DENND3: variants seen among roughly 807,000 people sequenced by gnomAD.
DENND3 encodes the protein DENN domain containing 3.
DENND3 carries 88 observed loss-of-function variants against 135.1 expected under a neutral mutation model. The ratio of observed to expected loss-of-function variants is 0.65; its 90% CI spans 0.55 to 0.78. The LOEUF is 0.78. Ranked by LOEUF, DENND3 falls within the 30% of genes least tolerant of loss-of-function variation. DENND3 has a pLI of 0.00. For synonymous variants in DENND3, 693 were observed against 712.3 expected (o/e 0.97, Z 0.43); for missense variants, 1,392 against 1,688.4 (o/e 0.82, Z 3.08).
At position 141,168,011 on chromosome 8, in the gene DENND3, T is replaced by C. The variant is rs142393961; in HGVS notation, c.1761T>C (p.Asn587=). The C allele has an allele frequency of 1.4e-4, 223 of 1,607,874 alleles. No individual in the cohort carries two copies. The African/African-American group carries it at 2.6e-3, about 19-fold the overall frequency. The change falls in exon 13 of 23, where the codon AAT becomes AAC. Residue 587 remains asparagine (N), a synonymous_variant. Transcript: ENST00000519811. The surrounding 1 kb of genome is among the most constrained non-coding windows in gnomAD (Gnocchi z 6.2). ...TCCCCCTGAATGTTTTAGTTCTGAA[T>C]GTCACGCCGAAGTCCCCGTATACAT... ...AGCRGSSAVL[N]VTPKSPYTFK...
chr8:141,157,553 T>C (rs1819598171), intron 8 of DENND3: 8 of 985,788 alleles, frequency 8.1e-6, no homozygotes, highest in African/African-American at 1.7e-5. Context: ...TTGCTTCTGG[T>C]GAAGCCTGTG....
intron 17 of DENND3, among the ~76,000 whole-genome samples, 175 bp downstream of exon 17, chr8:141,181,029 C>T (rs914791045): frequency 6.6e-6 from 1 of 152,182 alleles, no homozygotes; most frequent in African/African-American, 2.4e-5. Flanking sequence ...GCAGCTGGCA[C>T]GACCGCTCCA....
chr8:141,138,092 G>A lies in DENND3; in HGVS notation c.456G>A (p.Gly152=). The change falls in exon 3 of 23, where the codon GGG becomes GGA. Residue 152 remains glycine (G), a synonymous_variant. Transcript: ENST00000519811. The surrounding 1 kb of genome is among the most constrained non-coding windows in gnomAD (Gnocchi z 4.8). ...VHFLVLTDVC[G]NRTYGVVAQY... is the part of the protein sequence containing the mutation. ...TCCTGGTGCTGACCGATGTCTGCGG[G>A]AATAGGACCTATGGCGTGGTGGCCC... The A allele has an allele frequency of 1.2e-6, 2 of 1,610,344 alleles. No individual in the cohort carries two copies. The highest frequency in any genetic ancestry group is 1.7e-6 in the Non-Finnish European group (2 of 1,178,170).
Position 141,139,910 on chromosome 8 carries a change from T to C in DENND3, c.502-1293T>C, listed in dbSNP as rs1474215077. Among the ~76,000 whole-genome samples the C allele has an allele frequency of 2.2e-5, 3 of 138,608 alleles. No individual in the cohort carries two copies. The highest frequency in any genetic ancestry group is 4.7e-5 in the Non-Finnish European group (3 of 63,828). 90.9% of individuals were successfully genotyped at this position (138,608 alleles called of 152,430 possible). On this transcript the variant is annotated intron_variant, in intron 3 of 22. Transcript: ENST00000519811. The surrounding 1 kb of genome is among the most constrained non-coding windows in gnomAD (Gnocchi z 4.2). ...GATGACGCTATATCTATCGTTTTTT[T>C]CTTTCTTTTTTTTTTTTGAGACAGT...
intron 18 of DENND3, among the ~76,000 whole-genome samples, chr8:141,187,912 C>T (rs190684848): frequency 3.3e-4 from 50 of 152,310 alleles, no homozygotes; most frequent in Non-Finnish European, 6.2e-4. Flanking sequence ...CAAGGCTGGG[C>T]GCAGTGGCTC....
chr8:141,186,387 C>T (rs1309419118), intron 18 of DENND3, among the ~76,000 whole-genome samples: 7 of 152,198 alleles, frequency 4.6e-5, no homozygotes, highest in Admixed American at 3.9e-4. Flanking sequence ...AGTGTCCACT[C>T]GTCACACATT....
In DENND3 at chr8:141,160,834, GC is replaced by G. The variant is rs1256749367; in HGVS notation, c.1352+49del. On this transcript the variant is annotated intron_variant, in intron 9 of 22. Coordinates refer to ENST00000519811, the MANE Select transcript of DENND3 (RefSeq NM_001352890.3). Reference sequence around the variant, plus strand: ...GTGTCCATGAGGAGGTAACCAGCCAGCCATCCATTCTATGGGGATCGTGCAC... The same window carrying G: ...GTGTCCATGAGGAGGTAACCAGCCAGCATCCATTCTATGGGGATCGTGCAC... 2.5e-6 allele frequency: 4 copies of G among 1,579,336 alleles called. No homozygotes were observed. The African/African-American group carries it at 5.4e-5, about 21-fold the overall frequency.
rs543822377 is a variant in DENND3 at position 141,174,463 on chromosome 8, C to T, written c.2276-737C>T. On this transcript the variant is annotated intron_variant, in intron 13 of 22. Coordinates refer to ENST00000519811, the MANE Select transcript of DENND3 (RefSeq NM_001352890.3). This position sits in a 1 kb window ranked among gnomAD's most constrained non-coding sequence, Gnocchi z 4.6. ...AGGGGCTTGAGTTGGCAGGACCTGC[C>T]GGCAGGGACTTGGGATTTCCGAGGG... Among the ~76,000 whole-genome samples, 7 of 152,172 alleles carry T rather than the reference C, an allele frequency of 4.6e-5. No homozygotes were observed. The highest frequency in any genetic ancestry group is 4.1e-4 in the South Asian group (2 of 4,820).
At chr8:141,143,034 T>C (rs557697319) in intron 4 of DENND3, 1 of 152,692 alleles carries the variant, frequency 6.5e-6, no homozygotes, top group East Asian at 1.9e-4. Context: ...GCTTCTTTCT[T>C]TCTCATTGCC....
Position 141,150,847 on chromosome 8 carries a change from A to G in DENND3, c.749A>G (p.Lys250Arg). The G allele has an allele frequency of 6.2e-7, 1 of 1,601,956 alleles. No individual in the cohort carries two copies. The highest frequency in any genetic ancestry group is 8.5e-7 in the Non-Finnish European group (1 of 1,176,200). Residue 250 changes from lysine (K) to arginine (R), a missense_variant, in exon 6 of 23, where the codon AAG (lysine) becomes AGG (arginine). Coordinates refer to ENST00000519811, the MANE Select transcript of DENND3 (RefSeq NM_001352890.3). ...PGPLHLVFNM[K>R]SLQIVLPARA... ...TGGTTGTCGTAGGTATTTAACATGA[A>G]GTCGCTCCAGATTGTGTTACCTGCC...
rs551467503 is a variant in DENND3 at position 141,192,561 on chromosome 8, C to T, written c.3534C>T (p.Ser1178=). ...EQLWAACAGR[S]EVYIWSLKDL... ...TGTGGGCGGCCTGTGCAGGACGCAG[C>T]GAGGTTTACATCTGGAGCCTGAAGG... is the stretch of plus-strand genomic sequence containing the variant. Residue 1178 remains serine, a synonymous_variant, in exon 22 of 23, where the codon AGC becomes AGT. Coordinates refer to ENST00000519811, the MANE Select transcript of DENND3 (RefSeq NM_001352890.3). 2.8e-5 allele frequency: 44 copies of T among 1,582,498 alleles called. No individual in the cohort carries two copies. The East Asian group carries it at 7.4e-4, about 27-fold the overall frequency.
rs1274937663 is a variant in DENND3 at position 141,141,595 on chromosome 8, A to C, written c.623+271A>C. ...ACATACGGTAATGGCATGGTAGGAA[A>C]GGGATGAAGCCACACTGTCGGAAGT... On this transcript the variant is annotated intron_variant, in intron 4 of 22. Transcript: ENST00000519811. The surrounding 1 kb of genome is among the most constrained non-coding windows in gnomAD (Gnocchi z 5.3). The C allele has an allele frequency of 2.1e-6, 1 of 479,032 alleles. No homozygotes were observed. The highest frequency in any genetic ancestry group is 3.8e-5 in the East Asian group (1 of 26,178). The allele number at this position is 479,032 out of a possible 1,614,324, so 29.7% of individuals were successfully genotyped here.
At chr8:141,176,334 G>T in intron 14 of DENND3, 1 of 446,858 alleles carries the variant, frequency 2.2e-6, no homozygotes. Flanking sequence ...TTAAGGATGT[G>T]AAAGAATGCG....
intron 6 of DENND3, among the ~76,000 whole-genome samples, chr8:141,151,283 G>A (rs994280455): frequency 7.2e-5 from 11 of 152,150 alleles, no homozygotes; most frequent in Non-Finnish European, 7.4e-5. Context: ...TACATGGGCC[G>A]GGTGCGGTGG....
rs1822045410 is a variant in DENND3, at chr8:141,174,360, A to G, written c.2276-840A>G. ...GCCACTGAGGAGGGTTTTCCTGTGC[A>G]GAACTGAGGGGGACTTGCTGCACGT... On this transcript the variant is annotated intron_variant, in intron 13 of 22. Coordinates refer to ENST00000519811, the MANE Select transcript of DENND3 (RefSeq NM_001352890.3). This position sits in a 1 kb window ranked among gnomAD's most constrained non-coding sequence, Gnocchi z 4.6. 6.6e-6 allele frequency among the ~76,000 whole-genome samples: 1 copy of G among 152,116 alleles called. No individual in the cohort carries two copies. The highest frequency in any genetic ancestry group is 2.4e-5 in the African/African-American group (1 of 41,416).
In DENND3 at chr8:141,177,968, G is replaced by T. The variant is rs74353696; in HGVS notation, c.2707-99G>T. 4.1e-3 allele frequency: 5,888 copies of T among 1,421,428 alleles called. 229 individuals are homozygous for T. The African/African-American group carries it at 0.075, about 18-fold the overall frequency. 88.1% of individuals were successfully genotyped at this position (1,421,428 alleles called of 1,614,324 possible). The stretch of plus-strand genomic sequence containing the variant: ...AACTCTTCATGTCACTTTGGAAAAA[G>T]GCATTTTGGAAGGATTGTCCTGTGT... On this transcript the variant is annotated intron_variant, in intron 15 of 22. Coordinates refer to ENST00000519811, the MANE Select transcript of DENND3 (RefSeq NM_001352890.3).
chr8:141,170,352 AGTGT>A (rs779674489), intron 13 of DENND3, among the ~76,000 whole-genome samples: 7 of 151,464 alleles, frequency 4.6e-5, no homozygotes, highest in Non-Finnish European at 7.4e-5. Flanking sequence ...GTCATGGCCG[AGTGT>A]GTGTATGAGT....
At chr8:141,185,042 A>G in intron 17 of DENND3, 97 bp from the exon 18 acceptor site, 1 of 1,476,458 alleles carries the variant, frequency 6.8e-7, no homozygotes, top group South Asian at 1.3e-5. Flanking sequence ...CCTGGCGCTT[A>G]GGAGGGCCCA....
At position 141,189,033 on chromosome 8, in the gene DENND3, A is replaced by G. The variant is rs780237538; in HGVS notation, c.3132A>G (p.Glu1044=). Residue 1044 remains glutamate (E), a synonymous_variant, in exon 19 of 23, where the codon GAA becomes GAG. Coordinates refer to ENST00000519811, the MANE Select transcript of DENND3 (RefSeq NM_001352890.3). ...ADQNQVWVGS[E]DSVIYIINVH... is the part of the protein sequence containing the mutation. ...AGAACCAGGTGTGGGTTGGCTCGGA[A>G]GACTCCGTCATCTACATCATCAACG... 6.2e-7 allele frequency: 1 copy of G among 1,614,188 alleles called. No individual in the cohort carries two copies. The highest frequency in any genetic ancestry group is 1.7e-5 in the Admixed American group (1 of 60,020).
Sources: gnomAD v4.1 joint callset for allele counts (sites outside exome capture counted in the v4.1 genomes callset) on GRCh38, gnomAD v4.1.1 for gene constraint, Gnocchi (gnomAD v3.1) non-coding constraint, MANE v1.5 for transcripts, NCBI Gene and HGNC (gene_info 2026-07-23, HGNC 2026-07-21) for gene names.